Variants in ACSL1 observed in about 807,000 individuals in gnomAD.
The protein encoded by ACSL1 is acyl-CoA synthetase long chain family member 1.
A neutral mutation model predicts 98.4 loss-of-function variants in ACSL1; 41 were observed. That is an observed-to-expected ratio of 0.42 (90% CI 0.32 to 0.54). ACSL1 has a LOEUF of 0.54. Among genes scored for constraint, ACSL1 ranks in the 20% least tolerant of loss-of-function variants. The probability of loss-of-function intolerance (pLI) is 0.13; values close to 1 mark genes in which losing one functional copy is unlikely to be tolerated. For synonymous variants in ACSL1, 316 were observed against 322.7 expected (o/e 0.98, Z 0.22); for missense variants, 734 against 883.1 (o/e 0.83, Z 2.14).
chr4:184,779,471 G>A (rs1366223813), intron 5 of ACSL1, among the ~76,000 whole-genome samples: 1 of 152,108 alleles, frequency 6.6e-6, no homozygotes, highest in African/African-American at 2.4e-5. Context: ...CATGAAAATG[G>A]ACTAACACAC....
chr4:184,761,363 A>G (rs1224620527), intron 17 of ACSL1, among the ~76,000 whole-genome samples: 3 of 152,270 alleles, frequency 2.0e-5, no homozygotes, highest in African/African-American at 7.2e-5. Context: ...TAATCAATAC[A>G]AATTCCAAAG....
chr4:184,776,213 G>A (rs1232034241), intron 7 of ACSL1, among the ~76,000 whole-genome samples: 1 of 152,224 alleles, frequency 6.6e-6, no homozygotes, highest in Non-Finnish European at 1.5e-5. Context: ...TCCCATTTCT[G>A]GCATTTCCGG....
Position 184,773,057 on chromosome 4 carries a change from GA to G in ACSL1, c.915+23del. 1 of 1,606,302 alleles carries G rather than the reference GA, an allele frequency of 6.2e-7. No individual in the cohort carries two copies. The highest frequency in any genetic ancestry group is 8.5e-7 in the Non-Finnish European group (1 of 1,173,060). On this transcript the variant is annotated intron_variant, in intron 10 of 20. Coordinates refer to ENST00000281455, the MANE Select transcript of ACSL1 (RefSeq NM_001995.5). This position sits in a 1 kb window ranked among gnomAD's most constrained non-coding sequence, Gnocchi z 4.3. ...GGACTAATGTCAATCAATGAGGAAA[GA>G]TGACGACATCCCAAAAAGTTACCTC...
rs554105964 is a variant in ACSL1, at chr4:184,767,447, A to C, written c.1129-691T>G. On this transcript the variant is annotated intron_variant, in intron 12 of 20. Coordinates refer to ENST00000281455, the MANE Select transcript of ACSL1 (RefSeq NM_001995.5). ...ACATATGGCATGATTCCATCCACAG[A>C]AAAGTCCAGAATAGAGAAATACACA... Among the ~76,000 whole-genome samples, 4 of 152,180 alleles carry C rather than the reference A, an allele frequency of 2.6e-5. No individual in the cohort carries two copies. The South Asian group carries it at 8.3e-4, about 32-fold the overall frequency.
At chr4:184,777,088 C>A in intron 5 of ACSL1, 105 bp from the exon 6 acceptor site, 1 of 987,246 alleles carries the variant, frequency 1.0e-6, no homozygotes, top group East Asian at 2.6e-5. Context: ...TTTGACGCAG[C>A]AAAATTAACA....
intron 2 of ACSL1, among the ~76,000 whole-genome samples, chr4:184,791,496 G>A (rs190385466): frequency 2.4e-4 from 36 of 152,216 alleles, no homozygotes; most frequent in Non-Finnish European, 4.0e-4. Context: ...TGCTGAATCC[G>A]AAACTCTGGG....
intron 2 of ACSL1, among the ~76,000 whole-genome samples, chr4:184,797,082 T>C (rs924134459): frequency 1.3e-5 from 2 of 152,158 alleles, no homozygotes; most frequent in African/African-American, 4.8e-5. Flanking sequence ...TGCCCACTCC[T>C]GGCAGTTTCC....
chr4:184,813,584 T>G (rs934981337), intron 1 of ACSL1: 2 of 249,150 alleles, frequency 8.0e-6, no homozygotes, highest in African/African-American at 4.4e-5. Context: ...TGACCGCAAG[T>G]TGAAGAACAT....
rs761073563 is a variant in ACSL1, at chr4:184,773,664, T to C, written c.840A>G (p.Thr280=). ...AAGCAATTCTATCTCAAAACTCACC[T>C]GTAGTTCCACTTGTGAAACAAATTA... The part of the protein sequence containing the change: ...LAVICFTSGT[T]GNPKGAMVTH... The change falls in exon 9 of 21, where the codon ACA becomes ACG. Residue 280 remains threonine (T), a splice_region_variant and synonymous_variant. Coordinates refer to ENST00000281455, the MANE Select transcript of ACSL1 (RefSeq NM_001995.5). The surrounding 1 kb of genome is among the most constrained non-coding windows in gnomAD (Gnocchi z 4.3). 11 of 1,611,888 alleles carry C rather than the reference T, an allele frequency of 6.8e-6. No homozygotes were observed. The highest frequency in any genetic ancestry group is 7.6e-6 in the Non-Finnish European group (9 of 1,179,222).
chr4:184,813,750 A>C, intron 1 of ACSL1: 1 of 430,364 alleles, frequency 2.3e-6, no homozygotes, highest in South Asian at 1.6e-5. Context: ...GAAGCAAGAG[A>C]CCACACCAGG....
chr4:184,768,299 C>T lies in ACSL1; in HGVS notation c.1128+17G>A, dbSNP rs183031207. 53 of 1,608,026 alleles carry T rather than the reference C, an allele frequency of 3.3e-5. 2 individuals are homozygous for T. The Middle Eastern group carries it at 6.7e-4, about 20-fold the overall frequency. On this transcript the variant is annotated intron_variant, in intron 12 of 20. Transcript: ENST00000281455. ...AAGTCAGTGCTCAGTCCTGGGACTT[C>T]GCTGCTTGGAACTTACTCGGTCAAA...
At chr4:184,785,989 G>C (rs759477850) in intron 3 of ACSL1, among the ~76,000 whole-genome samples, 9 of 152,098 alleles carry the variant, frequency 5.9e-5, no homozygotes, top group Non-Finnish European at 1.2e-4. Flanking sequence ...TACGGTCCTA[G>C]TGAGTGTGGG....
At chr4:184,819,854 C>T (rs1772922268) in intron 1 of ACSL1, among the ~76,000 whole-genome samples, 1 of 152,128 alleles carries the variant, frequency 6.6e-6, no homozygotes, top group African/African-American at 2.4e-5. Context: ...CTAACAAAGG[C>T]CTTCACTGTT....
At position 184,803,769 on chromosome 4, in the gene ACSL1, G is replaced by GA. The variant is rs914584574; in HGVS notation, c.-32-224dup. Among the ~76,000 whole-genome samples the GA allele has an allele frequency of 5.3e-5, 8 of 151,928 alleles. No homozygotes were observed. The highest frequency in any genetic ancestry group is 1.9e-4 in the East Asian group (1 of 5,198). ...TTCTATTTCTCCATTACCTTGTATT[G>GA]AAAAAACCCCATTCTCTTCCTTTCA... On this transcript the variant is annotated intron_variant, in intron 1 of 20. Coordinates refer to ENST00000281455, the MANE Select transcript of ACSL1 (RefSeq NM_001995.5). This position sits in a 1 kb window ranked among gnomAD's most constrained non-coding sequence, Gnocchi z 4.8.
At chr4:184,796,184 A>G (rs1465520381) in intron 2 of ACSL1, among the ~76,000 whole-genome samples, 1 of 152,206 alleles carries the variant, frequency 6.6e-6, no homozygotes, top group Non-Finnish European at 1.5e-5. Flanking sequence ...CCCAGCCTAC[A>G]TCTTTCTCCC....
At chr4:184,804,940 C>A (rs1771173515) in intron 1 of ACSL1, among the ~76,000 whole-genome samples, 1 of 152,070 alleles carries the variant, frequency 6.6e-6, no homozygotes, top group Admixed American at 6.5e-5. Context: ...TTCTGCACAG[C>A]AAAAGAAACT....
In ACSL1 at chr4:184,766,167, C is replaced by T. The variant is rs946997793; in HGVS notation, c.1264-181G>A. On this transcript the variant is annotated intron_variant, in intron 13 of 20. Coordinates refer to ENST00000281455, the MANE Select transcript of ACSL1 (RefSeq NM_001995.5). The surrounding 1 kb of genome is among the most constrained non-coding windows in gnomAD (Gnocchi z 4.8). ...CACAGGGCTACGGTTTGTTTCCACCCGTGACTGCCCTGTTCCCTCCCAATG... is the reference window on the plus strand; with the variant it reads ...CACAGGGCTACGGTTTGTTTCCACCTGTGACTGCCCTGTTCCCTCCCAATG... 2.6e-5 allele frequency among the ~76,000 whole-genome samples: 4 copies of T among 152,236 alleles called. No homozygotes were observed. Among genetic ancestry groups the T allele is most frequent in the African/African-American group, 7.2e-5 (3 of 41,462 alleles).
In ACSL1 at chr4:184,773,052, G is replaced by A. The variant is rs1229668220; in HGVS notation, c.915+29C>T. 1.9e-6 allele frequency: 3 copies of A among 1,600,048 alleles called. No individual in the cohort carries two copies. Among genetic ancestry groups the A allele is most frequent in the South Asian group, 2.2e-5 (2 of 90,730 alleles). On this transcript the variant is annotated intron_variant, in intron 10 of 20. Coordinates refer to ENST00000281455, the MANE Select transcript of ACSL1 (RefSeq NM_001995.5). The surrounding 1 kb of genome is among the most constrained non-coding windows in gnomAD (Gnocchi z 4.3). ...CTCAAGGACTAATGTCAATCAATGA[G>A]GAAAGATGACGACATCCCAAAAAGT... is the stretch of plus-strand genomic sequence containing the variant.
intron 7 of ACSL1, 100 bp downstream of exon 7, chr4:184,776,384 T>C (rs1460650779): frequency 1.5e-6 from 2 of 1,369,672 alleles, no homozygotes; most frequent in Admixed American, 2.4e-5. Context: ...CGGCCAGCGC[T>C]GGGACTGCAC....
Sources: allele counts gnomAD v4.1 joint callset (sites outside exome capture counted in the v4.1 genomes callset), GRCh38; gene constraint gnomAD v4.1.1; non-coding constraint Gnocchi (gnomAD v3.1); transcripts MANE v1.5; gene names NCBI Gene and HGNC (gene_info 2026-07-23, HGNC 2026-07-21).